The following CDH4 variants were observed in gnomAD, a reference collection of about 807,000 sequenced individuals.
CDH4 encodes the protein cadherin-4.
CDH4 carries 33 observed loss-of-function variants against 86.0 expected under a neutral mutation model. The observed-to-expected ratio is 0.38, with a 90% CI of 0.29 to 0.51. CDH4 has a LOEUF of 0.51. CDH4 is among the 20% of genes least tolerant of loss of function. CDH4 has a pLI of 0.86. For synonymous variants in CDH4, 555 were observed against 549.4 expected, an observed-to-expected ratio of 1.01 and a Z score of -0.14; for missense variants, 1,114 against 1,307.4, an observed-to-expected ratio of 0.85 and a Z score of 2.28.
In CDH4 at chr20:61,456,640, G is replaced by T. The variant is rs548236489; in HGVS notation, c.169+201703G>T. ...TATTTCTTAAAAGCCATTATAATGT[G>T]CATAACTGATCTTTGGAACACTGAG... On this transcript the variant is annotated intron_variant, in intron 2 of 15. Transcript: ENST00000614565. 3.3e-5 allele frequency among the ~76,000 whole-genome samples: 5 copies of T among 152,324 alleles called. No individual in the cohort carries two copies. In the East Asian group the frequency reaches 9.6e-4, roughly 29 times the overall value.
chr20:61,592,578 A>G (rs2086525964), intron 2 of CDH4, among the ~76,000 whole-genome samples: 1 of 152,104 alleles, frequency 6.6e-6, no homozygotes, highest in Non-Finnish European at 1.5e-5. Context: ...AATAAAGTGA[A>G]CCCCACAAGA....
chr20:61,934,577 C>T (rs1224720564), intron 15 of CDH4, among the ~76,000 whole-genome samples: 1 of 152,340 alleles, frequency 6.6e-6, no homozygotes, highest in South Asian at 2.1e-4. Context: ...GCGGGGAAGG[C>T]GCACTTGGTG....
intron 2 of CDH4, among the ~76,000 whole-genome samples, chr20:61,535,719 A>T (rs756261855): frequency 1.1e-4 from 17 of 152,060 alleles, no homozygotes; most frequent in Non-Finnish European, 1.9e-4. Flanking sequence ...CTGAGCCTCC[A>T]TGGGGAGGGT....
intron 2 of CDH4, among the ~76,000 whole-genome samples, chr20:61,692,786 T>G (rs185509527): frequency 6.6e-6 from 1 of 152,336 alleles, no homozygotes; most frequent in East Asian, 1.9e-4. Flanking sequence ...ATTTAGATTC[T>G]ATTTTAATAC....
rs187325610 is a variant in CDH4 at position 61,761,317 on chromosome 20, A to G, written c.397-11686A>G. ...GAAGACTGCGAATCAGAGAGATTGAAAAGAGCCATAAATAGAATTGATATT... is the reference window on the plus strand; with the variant it reads ...GAAGACTGCGAATCAGAGAGATTGAGAAGAGCCATAAATAGAATTGATATT... On this transcript the variant is annotated intron_variant, in intron 3 of 15. Transcript: ENST00000614565. 4.5e-3 allele frequency among the ~76,000 whole-genome samples: 685 copies of G among 152,320 alleles called. 19 individuals are homozygous for G. Among genetic ancestry groups the G allele is most frequent in the Admixed American group, 0.041 (627 of 15,296 alleles).
intron 4 of CDH4, among the ~76,000 whole-genome samples, chr20:61,800,805 T>G (rs923792461): frequency 6.6e-6 from 1 of 152,216 alleles, no homozygotes; most frequent in Non-Finnish European, 1.5e-5. Context: ...CTGCCTTCCC[T>G]TGCCTGATAA....
Position 61,517,820 on chromosome 20 carries a change from G to A in CDH4, c.170-225743G>A, listed in dbSNP as rs968226685. Among the ~76,000 whole-genome samples the A allele has an allele frequency of 5.9e-5, 9 of 152,188 alleles. No homozygotes were observed. Among genetic ancestry groups the A allele is most frequent in the African/African-American group, 1.2e-4 (5 of 41,444 alleles). On this transcript the variant is annotated intron_variant, in intron 2 of 15. Coordinates refer to ENST00000614565, the MANE Select transcript of CDH4 (RefSeq NM_001794.5). This position sits in a 1 kb window ranked among gnomAD's most constrained non-coding sequence, Gnocchi z 6.6. ...ATACGTGGTCAGTCCAGGGTTCATC[G>A]TTTTAGCTGAGTTACCTCTTATTTC...
chr20:61,779,773 TG>T (rs2145996444), intron 4 of CDH4, among the ~76,000 whole-genome samples: 1 of 152,374 alleles, frequency 6.6e-6, no homozygotes, highest in South Asian at 2.1e-4. Flanking sequence ...TGCCCCGAGC[TG>T]GGTCTGCATC....
intron 2 of CDH4, among the ~76,000 whole-genome samples, chr20:61,557,757 G>T (rs982855858): frequency 7.1e-6 from 1 of 139,938 alleles, no homozygotes; most frequent in African/African-American, 2.5e-5. Flanking sequence ...GGGCGTGAAC[G>T]TGCAGCCACC....
At position 61,501,461 on chromosome 20, in the gene CDH4, A is replaced by G. The variant is rs191524560; in HGVS notation, c.170-242102A>G. Reference sequence around the variant, plus strand: ...TTGGCCACGGAGAGTCCAGGTGGGAAGAATTTATTAGGTGAGCGATGTAGC... The same window carrying G: ...TTGGCCACGGAGAGTCCAGGTGGGAGGAATTTATTAGGTGAGCGATGTAGC... On this transcript the variant is annotated intron_variant, in intron 2 of 15. Transcript: ENST00000614565. This position sits in a 1 kb window ranked among gnomAD's most constrained non-coding sequence, Gnocchi z 4.2. Among the ~76,000 whole-genome samples the G allele has an allele frequency of 6.6e-6, 1 of 152,230 alleles. No individual in the cohort carries two copies. Among genetic ancestry groups the G allele is most frequent in the East Asian group, 1.9e-4 (1 of 5,156 alleles).
chr20:61,622,895 G>A (rs1306688616), intron 2 of CDH4, among the ~76,000 whole-genome samples: 1 of 152,132 alleles, frequency 6.6e-6, no homozygotes, highest in Non-Finnish European at 1.5e-5. Flanking sequence ...CTGAATCAGG[G>A]GAGGTGGCTG....
At chr20:61,770,753 G>A (rs2088764817) in intron 3 of CDH4, among the ~76,000 whole-genome samples, 1 of 151,920 alleles carries the variant, frequency 6.6e-6, no homozygotes, top group Non-Finnish European at 1.5e-5. Flanking sequence ...CGTGGTGGCG[G>A]GCGCCTGTAG....
intron 6 of CDH4, among the ~76,000 whole-genome samples, chr20:61,872,533 G>A (rs6121480): frequency 0.15 from 22,263 of 152,240 alleles, 2,017 homozygotes; most frequent in South Asian, 0.21. Context: ...CCCCAGCCCC[G>A]TCAGCCAGGG....
rs990970530 is a variant in CDH4 at position 61,754,455 on chromosome 20, C to T, written c.396+10666C>T. Among the ~76,000 whole-genome samples, 1 of 152,148 alleles carries T rather than the reference C, an allele frequency of 6.6e-6. No individual in the cohort carries two copies. Among genetic ancestry groups the T allele is most frequent in the Non-Finnish European group, 1.5e-5 (1 of 68,014 alleles). ...AGCCCCCAGGTCCCTCTGCTGCTAC[C>T]CAGGCCCTTCCACTGCCCCTGCTGT... On this transcript the variant is annotated intron_variant, in intron 3 of 15. Transcript: ENST00000614565. The surrounding 1 kb of genome is among the most constrained non-coding windows in gnomAD (Gnocchi z 4.7).
intron 2 of CDH4, among the ~76,000 whole-genome samples, chr20:61,329,443 C>CCCTCGTGGGTCTGGGA (rs1568800018): frequency 7.9e-6 from 1 of 125,950 alleles, no homozygotes; most frequent in Non-Finnish European, 1.7e-5. Context: ...CCTCATGGTC[C>CCCTCGTGGGTCTGGGA]CCCGTGGGTC....
chr20:61,546,096 G>T (rs1475887402), intron 2 of CDH4, among the ~76,000 whole-genome samples: 16 of 5,294 alleles, frequency 3.0e-3, no homozygotes, highest in South Asian at 8.3e-3. Flanking sequence ...GTGTGTGTGT[G>T]GAGGGGTGTG....
chr20:61,340,411 G>A lies in CDH4; in HGVS notation c.169+85474G>A, dbSNP rs186986244. 8.3e-4 allele frequency among the ~76,000 whole-genome samples: 127 copies of A among 152,232 alleles called. 1 individual carries two copies. Among genetic ancestry groups the A allele is most frequent in the Non-Finnish European group, 7.1e-4 (48 of 68,008 alleles). ...CATCGTGGGTGAATAAACCAAGTCC[G>A]GTGTCCATCTGTCGGAGATATTTTG... On this transcript the variant is annotated intron_variant, in intron 2 of 15. Transcript: ENST00000614565.
chr20:61,659,016 T>C (rs2087223116), intron 2 of CDH4, among the ~76,000 whole-genome samples: 1 of 152,200 alleles, frequency 6.6e-6, no homozygotes, highest in African/African-American at 2.4e-5. Flanking sequence ...TGGCTGGTCT[T>C]GAACTCATGG....
At position 61,252,967 on chromosome 20, in the gene CDH4, C is replaced by G. The variant is rs559475672; in HGVS notation, c.57+397C>G. Among the ~76,000 whole-genome samples, 203 of 151,886 alleles carry G rather than the reference C, an allele frequency of 1.3e-3. No individual in the cohort carries two copies. The highest frequency in any genetic ancestry group is 4.6e-3 in the African/African-American group (191 of 41,542). ...CGGGAGCCGCGCGCCGCGGGAGTTGCCGAGCCCAGCCCCGGCCGTGGCTGA... is the reference window on the plus strand; with the variant it reads ...CGGGAGCCGCGCGCCGCGGGAGTTGGCGAGCCCAGCCCCGGCCGTGGCTGA... On this transcript the variant is annotated intron_variant, in intron 1 of 15. Transcript: ENST00000614565. This position sits in a 1 kb window ranked among gnomAD's most constrained non-coding sequence, Gnocchi z 4.4.
Sources: allele counts gnomAD v4.1 joint callset (sites outside exome capture counted in the v4.1 genomes callset), GRCh38; gene constraint gnomAD v4.1.1; non-coding constraint Gnocchi (gnomAD v3.1); transcripts MANE v1.5; gene names NCBI Gene and HGNC (gene_info 2026-07-23, HGNC 2026-07-21).